Variants in TRIM55 observed in about 807,000 individuals in gnomAD.
TRIM55 encodes the protein tripartite motif containing 55.
TRIM55 carries 50 observed loss-of-function variants against 60.9 expected under a neutral mutation model. The ratio of observed to expected loss-of-function variants is 0.82; its 90% CI spans 0.65 to 1.04. The LOEUF (loss-of-function observed/expected upper bound fraction) is 1.04, where lower values mean the gene tolerates loss of function less well. Among genes scored for constraint, TRIM55 ranks in the 50% least tolerant of loss-of-function variants. The pLI, the probability that TRIM55 is intolerant of heterozygous loss-of-function variation, is 0.00. For missense variants in TRIM55, 681 were observed against 666.9 expected (o/e 1.02, Z -0.23); for synonymous variants, 237 against 238.1 (o/e 1.00, Z 0.04).
chr8:66,149,498 G>T (rs1810285011), intron 4 of TRIM55, 147 bp from the exon 5 acceptor site: 1 of 620,446 alleles, frequency 1.6e-6, no homozygotes, highest in Non-Finnish European at 2.8e-6. Flanking sequence ...CAACATAGTG[G>T]GTATCCATAC....
intron 9 of TRIM55, among the ~76,000 whole-genome samples, chr8:66,160,167 T>G (rs915144859): frequency 9.9e-5 from 15 of 152,128 alleles, no homozygotes; most frequent in Non-Finnish European, 1.8e-4. Flanking sequence ...CTCCCAAGTC[T>G]CCAAAGTCCC....
chr8:66,155,220 A>G (rs1041708398), intron 9 of TRIM55, among the ~76,000 whole-genome samples: 1 of 152,264 alleles, frequency 6.6e-6, no homozygotes, highest in Non-Finnish European at 1.5e-5. Context: ...CTCAAAAATC[A>G]GACAATGACT....
chr8:66,117,949 G>A, the TRIM55 span, among the ~76,000 whole-genome samples: 5 of 151,792 alleles, frequency 3.3e-5, no homozygotes, highest in Non-Finnish European at 1.5e-5. Context: ...GGTGGATCAC[G>A]AGATCAGGAG....
At chr8:66,125,256 G>T (rs956546446), upstream of TRIM55, among the ~76,000 whole-genome samples, 1 of 152,146 alleles carries the variant, frequency 6.6e-6, no homozygotes, top group African/African-American at 2.4e-5. Flanking sequence ...GTACTTTTTG[G>T]CTTGTACTCT....
chr8:66,138,933 G>C (rs951755555), intron 4 of TRIM55, among the ~76,000 whole-genome samples: 11 of 152,158 alleles, frequency 7.2e-5, no homozygotes, highest in African/African-American at 2.7e-4. Flanking sequence ...TTTTCTAAAT[G>C]AGGGCTTTAG....
At chr8:66,158,674 T>G (rs999027077) in intron 9 of TRIM55, among the ~76,000 whole-genome samples, 1 of 152,256 alleles carries the variant, frequency 6.6e-6, no homozygotes, top group Non-Finnish European at 1.5e-5. Flanking sequence ...GGTTATGGAC[T>G]TAGGCCTGAC....
chr8:66,152,513 A>T lies in TRIM55; in HGVS notation c.1122A>T (p.Glu374Asp). Residue 374 changes from glutamate to aspartate, a missense_variant, in exon 8 of 10, where the codon GAA becomes GAT. Coordinates refer to ENST00000315962, the MANE Select transcript of TRIM55 (RefSeq NM_184085.2). ...TTCCAGGAGAAGATGAAAACCCAGA[A>T]AAAGCTTCAGAGCTCTCTCAGGTGG... is the stretch of plus-strand genomic sequence containing the variant. ...TEFPGEDENP[E>D]KASELSQVEL... The T allele has an allele frequency of 6.2e-7, 1 of 1,614,108 alleles. No homozygotes were observed. The highest frequency in any genetic ancestry group is 1.1e-5 in the South Asian group (1 of 91,086).
rs1349350146 is a variant in TRIM55, at chr8:66,174,708, TC to T, written c.*116del. ...ATGAAAGGGACCTCTGAACAGGATT[TC>T]TGCAAAAATAGCCCCAAACTGCAAT... On this transcript the variant is annotated 3_prime_UTR_variant, in exon 10 of 10. Transcript: ENST00000315962. 3.3e-6 allele frequency: 4 copies of T among 1,199,292 alleles called. No individual in the cohort carries two copies. The highest frequency in any genetic ancestry group is 4.4e-6 in the Non-Finnish European group (4 of 913,748). The allele number at this position is 1,199,292 out of a possible 1,614,324, so 74.3% of individuals were successfully genotyped here.
chr8:66,160,794 C>CT (rs1456379266), intron 9 of TRIM55, among the ~76,000 whole-genome samples: 2 of 150,812 alleles, frequency 1.3e-5, no homozygotes, highest in African/African-American at 4.9e-5. Flanking sequence ...TTTCTGTACG[C>CT]TTGTTGGCCA....
rs149867342 is a variant in TRIM55 at position 66,174,562 on chromosome 8, C to T, written c.1616C>T (p.Ser539Phe). ...TCTGAGCCAGCTCGCCATATCTTCT[C>T]CTTTTCCTGGTTGAACTCCCTAAAT... ...ADSEPARHIF[S>F]FSWLNSLNE Residue 539 changes from serine (S) to phenylalanine (F), a missense_variant, in exon 10 of 10, where the codon TCC becomes TTC. Transcript: ENST00000315962. The T allele has an allele frequency of 3.1e-6, 5 of 1,606,684 alleles. No homozygotes were observed. Among genetic ancestry groups the T allele is most frequent in the South Asian group, 1.1e-5 (1 of 90,192 alleles).
chr8:66,167,323 T>C (rs546114880), intron 9 of TRIM55, among the ~76,000 whole-genome samples: 4 of 152,226 alleles, frequency 2.6e-5, no homozygotes, highest in Non-Finnish European at 4.4e-5. Flanking sequence ...AAGAAACCCC[T>C]GTCTGTGAAG....
chr8:66,166,556 G>A lies in TRIM55; in HGVS notation c.1525-7915G>A, dbSNP rs140623785. Among the ~76,000 whole-genome samples the A allele has an allele frequency of 3.7e-3, 567 of 152,322 alleles. 3 individuals are homozygous for A. Among genetic ancestry groups the A allele is most frequent in the African/African-American group, 0.013 (534 of 41,574 alleles). ...AGTCCACCAAGGTGTTAATGCATCT[G>A]AAAAAACAATGGCACGTGGCAGTGG... On this transcript the variant is annotated intron_variant, in intron 9 of 9. Transcript: ENST00000315962.
rs1203986016 is a variant in TRIM55 at position 66,160,368 on chromosome 8, T to TGC, written c.1524+6035_1524+6036insCG. 2.0e-5 allele frequency among the ~76,000 whole-genome samples: 3 copies of TGC among 151,918 alleles called. No individual in the cohort carries two copies. In the East Asian group the frequency reaches 5.8e-4, roughly 29 times the overall value. ...AGTAGTATTCCATGGTGTGTGTGTGTGTGTGTGTGTGTGTGTGTATCACAT... is the reference window on the plus strand; with the variant it reads ...AGTAGTATTCCATGGTGTGTGTGTGTGCGTGTGTGTGTGTGTGTGTATCACAT... On this transcript the variant is annotated intron_variant, in intron 9 of 9. Coordinates refer to ENST00000315962, the MANE Select transcript of TRIM55 (RefSeq NM_184085.2).
the TRIM55 span, among the ~76,000 whole-genome samples, chr8:66,116,612 A>C: frequency 1.3e-5 from 1 of 74,722 alleles, no homozygotes; most frequent in African/African-American, 2.0e-4. Flanking sequence ...GTCTCAAAAA[A>C]AAAAAAAAGA....
upstream of TRIM55, among the ~76,000 whole-genome samples, chr8:66,122,516 C>T (rs1457030622): frequency 6.6e-6 from 1 of 152,078 alleles, no homozygotes; most frequent in Admixed American, 6.5e-5. Flanking sequence ...CTCCTGAGGC[C>T]GTGTCACAGG....
intron 9 of TRIM55, among the ~76,000 whole-genome samples, chr8:66,164,100 ACAT>A (rs1212869098): frequency 6.6e-6 from 1 of 152,022 alleles, no homozygotes; most frequent in Non-Finnish European, 1.5e-5. Flanking sequence ...TTCACATACA[ACAT>A]CTTCCAAGGT....
chr8:66,124,218 T>A (rs1037517313), upstream of TRIM55, among the ~76,000 whole-genome samples: 4 of 152,174 alleles, frequency 2.6e-5, no homozygotes, highest in African/African-American at 7.2e-5. Context: ...TCTGATCTGG[T>A]TTTTAGCCAG....
At chr8:66,169,030 G>A (rs575582998) in intron 9 of TRIM55, among the ~76,000 whole-genome samples, 1 of 152,270 alleles carries the variant, frequency 6.6e-6, no homozygotes, top group African/African-American at 2.4e-5. Flanking sequence ...ATCATTTAGG[G>A]AAGGGTTGAT....
Position 66,157,733 on chromosome 8 carries a change from G to A in TRIM55, c.1524+3399G>A, listed in dbSNP as rs1810823372. Among the ~76,000 whole-genome samples, 3 of 152,136 alleles carry A rather than the reference G, an allele frequency of 2.0e-5. No homozygotes were observed. The South Asian group carries it at 6.2e-4, about 31-fold the overall frequency. On this transcript the variant is annotated intron_variant, in intron 9 of 9. Coordinates refer to ENST00000315962, the MANE Select transcript of TRIM55 (RefSeq NM_184085.2). ...AGAAGCAAATGCTCTATTTCCTGGT[G>A]CTTTCCTTACATCCATGTACACAGT...
Sources: allele counts gnomAD v4.1 joint callset (sites outside exome capture counted in the v4.1 genomes callset), GRCh38; gene constraint gnomAD v4.1.1; transcripts MANE v1.5; gene names NCBI Gene and HGNC (gene_info 2026-07-23, HGNC 2026-07-21).